SLC44A5: variants seen among roughly 807,000 people sequenced by gnomAD.
SLC44A5 encodes solute carrier family 44 member 5.
Under a neutral mutation model 101.8 loss-of-function variants are expected in SLC44A5, and 57 were observed. The observed-to-expected ratio is 0.56, with a 90% CI of 0.45 to 0.70. The LOEUF (loss-of-function observed/expected upper bound fraction) is 0.70, where lower values mean the gene tolerates loss of function less well. SLC44A5 is among the 30% of genes least tolerant of loss of function. SLC44A5 has a pLI of 0.00. For synonymous variants in SLC44A5, 281 were observed against 290.9 expected (o/e 0.97, Z 0.35); for missense variants, 737 against 853.1 (o/e 0.86, Z 1.70).
the SLC44A5 span, among the ~76,000 whole-genome samples, chr1:75,699,880 T>A: frequency 4.0e-5 from 6 of 151,864 alleles, no homozygotes; most frequent in South Asian, 2.1e-4. Flanking sequence ...AACAGACTTT[T>A]AACCAACAAA....
At chr1:75,284,963 T>C (rs1345707419) in intron 5 of SLC44A5, among the ~76,000 whole-genome samples, 2 of 152,060 alleles carry the variant, frequency 1.3e-5, no homozygotes, top group Non-Finnish European at 2.9e-5. Context: ...TATTGGTCTA[T>C]AGATTTTTTG....
intron 7 of SLC44A5, among the ~76,000 whole-genome samples, chr1:75,247,760 GATCAAGTAA>G (rs1438767078): frequency 2.6e-5 from 4 of 152,122 alleles, no homozygotes; most frequent in African/African-American, 9.6e-5. Context: ...ACTGTTGTTA[GATCAAGTAA>G]ATGTGGATTT....
intron 2 of SLC44A5, among the ~76,000 whole-genome samples, chr1:75,514,870 T>C (rs991341899): frequency 1.3e-5 from 2 of 152,214 alleles, no homozygotes; most frequent in Non-Finnish European, 2.9e-5. Context: ...TCTCTGAGTA[T>C]CTGTCTTTCA....
rs17096525 is a variant in SLC44A5, at chr1:75,240,544, T to C, written c.532+1457A>G. 4.8e-3 allele frequency among the ~76,000 whole-genome samples: 734 copies of C among 152,242 alleles called. 12 individuals carry two copies. The highest frequency in any genetic ancestry group is 0.016 in the African/African-American group (684 of 41,558). On this transcript the variant is annotated intron_variant, in intron 9 of 23. Coordinates refer to ENST00000370859, the MANE Select transcript of SLC44A5 (RefSeq NM_001130058.2). ...TATCTTTTGTTACTAATGATTTATATTTATCCTTTTGCATAAAAATTTATA... is the reference window on the plus strand; with the variant it reads ...TATCTTTTGTTACTAATGATTTATACTTATCCTTTTGCATAAAAATTTATA...
At chr1:75,395,075 T>C (rs1662039517) in intron 3 of SLC44A5, among the ~76,000 whole-genome samples, 1 of 152,084 alleles carries the variant, frequency 6.6e-6, no homozygotes. Flanking sequence ...CAGCACTCAG[T>C]GGTACTTCTC....
In SLC44A5 at chr1:75,394,882, C is replaced by G. The variant is rs112222857; in HGVS notation, c.52+1701G>C. Among the ~76,000 whole-genome samples the G allele has an allele frequency of 5.6e-3, 859 of 152,206 alleles. 7 individuals are homozygous for G. Among genetic ancestry groups the G allele is most frequent in the African/African-American group, 0.02 (825 of 41,540 alleles). The stretch of plus-strand genomic sequence containing the variant: ...CTGAGTGCACCCCAGATCTTAGGAT[C>G]TGGGAGTGTTTCCCTCTGCTGAGAT... On this transcript the variant is annotated intron_variant, in intron 3 of 23. Transcript: ENST00000370859.
At chr1:75,527,393 TG>T (rs983003614) in intron 2 of SLC44A5, among the ~76,000 whole-genome samples, 6 of 147,154 alleles carry the variant, frequency 4.1e-5, no homozygotes, top group African/African-American at 7.3e-5. Flanking sequence ...TCCTCCTGTA[TG>T]GGTCAGATGT....
chr1:75,220,252 A>G (rs1182261403), intron 14 of SLC44A5, among the ~76,000 whole-genome samples: 2 of 152,202 alleles, frequency 1.3e-5, no homozygotes, highest in East Asian at 3.9e-4. Context: ...GGAATTCCCC[A>G]CTAATTCAAG....
At chr1:75,303,710 G>T (rs1654686536) in intron 4 of SLC44A5, among the ~76,000 whole-genome samples, 1 of 152,118 alleles carries the variant, frequency 6.6e-6, no homozygotes, top group Admixed American at 6.5e-5. Context: ...TATTTCCCCA[G>T]CAGTCTCTCA....
intron 2 of SLC44A5, among the ~76,000 whole-genome samples, chr1:75,455,818 A>G (rs1394432371): frequency 6.6e-6 from 1 of 152,186 alleles, no homozygotes; most frequent in Non-Finnish European, 1.5e-5. Context: ...ATACTATCTC[A>G]TACCAGTCAG....
chr1:75,476,681 C>T (rs1012868154), intron 2 of SLC44A5, among the ~76,000 whole-genome samples: 14 of 152,350 alleles, frequency 9.2e-5, no homozygotes, highest in East Asian at 1.9e-4. Flanking sequence ...AACTGCAAGG[C>T]GGCAGCAAGG....
chr1:75,378,823 T>C (rs374838651), intron 3 of SLC44A5, among the ~76,000 whole-genome samples: 1 of 81,314 alleles, frequency 1.2e-5, no homozygotes, highest in Non-Finnish European at 2.1e-5. Flanking sequence ...CGCCAGTAGC[T>C]TATCAATACT....
At chr1:75,405,272 C>G (rs1387354472) in intron 2 of SLC44A5, among the ~76,000 whole-genome samples, 1 of 152,108 alleles carries the variant, frequency 6.6e-6, no homozygotes. Context: ...CTCTAACACC[C>G]CACTGTCAAT....
intron 2 of SLC44A5, among the ~76,000 whole-genome samples, chr1:75,486,483 A>C (rs1343540537): frequency 1.3e-5 from 2 of 152,272 alleles, no homozygotes; most frequent in Non-Finnish European, 2.9e-5. Context: ...CAGAGAAAAG[A>C]AGCACAAACA....
At chr1:75,682,452 A>G in the SLC44A5 span, among the ~76,000 whole-genome samples, 4 of 151,854 alleles carry the variant, frequency 2.6e-5, no homozygotes, top group Admixed American at 6.6e-5. Flanking sequence ...ATAATGCCAC[A>G]TATCTACAAC....
chr1:75,484,990 C>T (rs1486702190), intron 2 of SLC44A5, among the ~76,000 whole-genome samples: 1 of 152,238 alleles, frequency 6.6e-6, no homozygotes, highest in Non-Finnish European at 1.5e-5. Context: ...CCCACAAAAC[C>T]ACTTTTTCCT....
intron 1 of SLC44A5, among the ~76,000 whole-genome samples, chr1:75,598,725 G>A (rs1674796777): frequency 6.6e-6 from 1 of 152,190 alleles, no homozygotes; most frequent in Admixed American, 6.5e-5. Flanking sequence ...GCTAAATGAT[G>A]AGAGCACATG....
At chr1:75,624,572 A>G in the SLC44A5 span, among the ~76,000 whole-genome samples, 1 of 152,082 alleles carries the variant, frequency 6.6e-6, no homozygotes, top group African/African-American at 2.4e-5. Context: ...TCAGTAGGCC[A>G]TTAGAGAAGA....
At chr1:75,240,357 G>T (rs2100597701) in intron 9 of SLC44A5, among the ~76,000 whole-genome samples, 1 of 152,060 alleles carries the variant, frequency 6.6e-6, no homozygotes, top group East Asian at 1.9e-4. Context: ...CTTATATTAG[G>T]AGGAACACAA....
Sources: gnomAD v4.1 joint callset for allele counts (sites outside exome capture counted in the v4.1 genomes callset) on GRCh38, gnomAD v4.1.1 for gene constraint, MANE v1.5 for transcripts, NCBI Gene and HGNC (gene_info 2026-07-23, HGNC 2026-07-21) for gene names.